Variants in PTPRT observed in about 807,000 individuals in gnomAD.
PTPRT encodes protein tyrosine phosphatase receptor type T.
Under a neutral mutation model 176.8 loss-of-function variants are expected in PTPRT, and 56 were observed. That is an observed-to-expected ratio of 0.32 (90% CI 0.26 to 0.40). The LOEUF is 0.40. PTPRT is among the 10% of genes least tolerant of loss of function. The pLI is 1.00. For synonymous variants in PTPRT, 783 were observed against 739.0 expected, an observed-to-expected ratio of 1.06 and a Z score of -0.96; for missense variants, 1,540 against 1,908.2, an observed-to-expected ratio of 0.81 and a Z score of 3.60.
rs1001041843 is a variant in PTPRT at position 43,188,750 on chromosome 20, G to GC, written c.88+895_88+896insG. Among the ~76,000 whole-genome samples, 52 of 10,580 alleles carry GC rather than the reference G, an allele frequency of 4.9e-3. 1 individual carries two copies. The East Asian group carries it at 0.12, about 25-fold the overall frequency. The allele number at this position is 10,580 out of a possible 152,430, so 6.9% of individuals were successfully genotyped here. A position where few individuals can be genotyped will look rare whatever the true frequency, so the allele number is the denominator to read the frequency against. On this transcript the variant is annotated intron_variant, in intron 1 of 30. Transcript: ENST00000373187. ...TTCTCTTCCCTCCGCCGCTACTCTT[G>GC]GGGGGGGGGGGGCTCGGGGGTGGAA...
intron 1 of PTPRT, among the ~76,000 whole-genome samples, chr20:42,975,611 G>A (rs1399642786): frequency 1.3e-5 from 2 of 152,074 alleles, no homozygotes; most frequent in Non-Finnish European, 2.9e-5. Context: ...ATAGTATTGT[G>A]ACGATGCTTG....
chr20:42,186,068 G>A (rs1004399860), intron 16 of PTPRT, among the ~76,000 whole-genome samples: 3 of 152,054 alleles, frequency 2.0e-5, no homozygotes, highest in Non-Finnish European at 4.4e-5. Context: ...GAAGGGAGAA[G>A]GGGGTCAGGA....
chr20:42,434,690 C>T (rs1449752292), intron 9 of PTPRT, among the ~76,000 whole-genome samples: 1 of 150,086 alleles, frequency 6.7e-6, no homozygotes, highest in African/African-American at 2.4e-5. Flanking sequence ...GGCCAGGCAC[C>T]GCGGCTCATG....
At chr20:42,583,602 A>C (rs901133231) in intron 7 of PTPRT, among the ~76,000 whole-genome samples, 1 of 151,760 alleles carries the variant, frequency 6.6e-6, no homozygotes, top group African/African-American at 2.4e-5. Context: ...ACAAACATGC[A>C]CTCCCCCACA....
intron 14 of PTPRT, among the ~76,000 whole-genome samples, chr20:42,246,366 T>A (rs2056451111): frequency 6.6e-6 from 1 of 152,124 alleles, no homozygotes; most frequent in African/African-American, 2.4e-5. Flanking sequence ...CAACAAAATG[T>A]CTTATTTTCT....
In PTPRT at chr20:42,170,024, G is replaced by T. The variant is rs184029832; in HGVS notation, c.2492-8482C>A. Reference sequence around the variant, plus strand: ...TTCCATTAGAAGGCTTCTAGGAAAGGTTCTCTTATCTCTAAGAAGGACAAT... The same window carrying T: ...TTCCATTAGAAGGCTTCTAGGAAAGTTTCTCTTATCTCTAAGAAGGACAAT... On this transcript the variant is annotated intron_variant, in intron 16 of 30. Coordinates refer to ENST00000373187, the MANE Select transcript of PTPRT (RefSeq NM_007050.6). 6.6e-5 allele frequency among the ~76,000 whole-genome samples: 10 copies of T among 152,258 alleles called. No individual in the cohort carries two copies. In the East Asian group the frequency reaches 7.7e-4, roughly 12 times the overall value.
chr20:42,806,060 G>T (rs1222245585), intron 2 of PTPRT, among the ~76,000 whole-genome samples: 2 of 149,762 alleles, frequency 1.3e-5, no homozygotes, highest in Non-Finnish European at 3.0e-5. Context: ...GCACAGCAAT[G>T]AAGATGCAGG....
intron 6 of PTPRT, among the ~76,000 whole-genome samples, chr20:42,706,526 G>T (rs1390378772): frequency 2.6e-5 from 4 of 152,076 alleles, no homozygotes; most frequent in African/African-American, 7.2e-5. Context: ...TCAACATTTT[G>T]TATTGAGCAT....
intron 7 of PTPRT, among the ~76,000 whole-genome samples, chr20:42,628,816 G>T (rs9974028): frequency 0.12 from 18,396 of 152,114 alleles, 1,195 homozygotes; most frequent in South Asian, 0.15. Context: ...ATTTGTTTAC[G>T]TATGACACAA....
intron 1 of PTPRT, among the ~76,000 whole-genome samples, chr20:43,180,342 T>TCTCTCTCTCC (rs1491131863): frequency 1.8e-4 from 1 of 5,510 alleles, no homozygotes; most frequent in African/African-American, 3.0e-4. Flanking sequence ...AATGAATCAA[T>TCTCTCTCTCC]CTCTCTCTCT....
At chr20:42,107,892 A>AAAGTACACCCATTGGAAGC (rs1380501588) in intron 23 of PTPRT, among the ~76,000 whole-genome samples, 1 of 152,224 alleles carries the variant, frequency 6.6e-6, no homozygotes, top group Admixed American at 6.5e-5. Flanking sequence ...AACAATTTGG[A>AAAGTACACCCATTGGAAGC]AAGTACACCC....
intron 7 of PTPRT, among the ~76,000 whole-genome samples, chr20:42,639,366 G>A (rs890015638): frequency 1.3e-5 from 2 of 151,990 alleles, no homozygotes; most frequent in African/African-American, 4.8e-5. Flanking sequence ...TTTCCTCGTG[G>A]TAAAGTAAGA....
intron 7 of PTPRT, among the ~76,000 whole-genome samples, chr20:42,477,227 A>G (rs1223291320): frequency 1.3e-5 from 2 of 152,174 alleles, no homozygotes; most frequent in African/African-American, 2.4e-5. Context: ...TCTGTTTGCC[A>G]GTAACCTCAC....
intron 6 of PTPRT, among the ~76,000 whole-genome samples, chr20:42,696,231 CT>C (rs2075873726): frequency 6.6e-6 from 1 of 150,868 alleles, no homozygotes; most frequent in African/African-American, 2.4e-5. Flanking sequence ...CCCCTGATCT[CT>C]TTTTTCCTCT....
intron 13 of PTPRT, among the ~76,000 whole-genome samples, chr20:42,261,572 A>G (rs73254747): frequency 0.014 from 2,155 of 152,160 alleles, 46 homozygotes; most frequent in African/African-American, 0.05. Context: ...ATGAAATGCA[A>G]ACTCTAAAAG....
intron 1 of PTPRT, among the ~76,000 whole-genome samples, chr20:42,967,364 C>T (rs912787804): frequency 3.3e-5 from 5 of 152,090 alleles, no homozygotes; most frequent in Non-Finnish European, 5.9e-5. Flanking sequence ...AATCCAGTAA[C>T]GAGTGTCCTT....
chr20:42,329,929 A>AT, intron 11 of PTPRT, among the ~76,000 whole-genome samples: 1 of 152,266 alleles, frequency 6.6e-6, no homozygotes, highest in South Asian at 2.1e-4. Context: ...TATTTTTTTA[A>AT]TTTAATATGT....
chr20:42,785,887 G>A (rs545258699), intron 3 of PTPRT, among the ~76,000 whole-genome samples: 30 of 152,196 alleles, frequency 2.0e-4, no homozygotes, highest in African/African-American at 6.7e-4. Flanking sequence ...CAAGCCTGAT[G>A]GCATGGTTTG....
intron 7 of PTPRT, among the ~76,000 whole-genome samples, chr20:42,542,756 G>A (rs1465120168): frequency 6.6e-6 from 1 of 152,106 alleles, no homozygotes; most frequent in Non-Finnish European, 1.5e-5. Flanking sequence ...ATTAGCAGGG[G>A]ACTGTTAAAT....
Sources: gnomAD v4.1 joint callset for allele counts (sites outside exome capture counted in the v4.1 genomes callset) on GRCh38, gnomAD v4.1.1 for gene constraint, MANE v1.5 for transcripts, NCBI Gene and HGNC (gene_info 2026-07-23, HGNC 2026-07-21) for gene names.